The following MAMDC2 variants were observed in gnomAD, a reference collection of about 807,000 sequenced individuals.
MAMDC2 encodes MAM domain-containing protein 2.
Under a neutral mutation model 89.8 loss-of-function variants are expected in MAMDC2, and 57 were observed. The ratio of observed to expected loss-of-function variants is 0.63; its 90% CI spans 0.51 to 0.79. The LOEUF (loss-of-function observed/expected upper bound fraction) is 0.79, where lower values mean the gene tolerates loss of function less well. MAMDC2 is among the 30% of genes least tolerant of loss of function. MAMDC2 has a pLI of 0.00. For synonymous variants in MAMDC2, 313 were observed against 293.4 expected (o/e 1.07, Z -0.68); for missense variants, 800 against 820.6 (o/e 0.97, Z 0.31).
intron 2 of MAMDC2, among the ~76,000 whole-genome samples, chr9:70,059,586 C>T (rs1204852766): frequency 1.3e-5 from 2 of 152,164 alleles, no homozygotes; most frequent in Non-Finnish European, 2.9e-5. Flanking sequence ...TAATCTAGTG[C>T]CATTATCACA....
At chr9:70,200,544 T>G (rs2033080114) in intron 11 of MAMDC2, among the ~76,000 whole-genome samples, 1 of 151,794 alleles carries the variant, frequency 6.6e-6, no homozygotes, top group East Asian at 1.9e-4. Context: ...GGCTCTTTTT[T>G]GGTTCCATAC....
chr9:70,075,930 A>G (rs1827520394), intron 2 of MAMDC2, among the ~76,000 whole-genome samples: 1 of 152,236 alleles, frequency 6.6e-6, no homozygotes, highest in South Asian at 2.1e-4. Context: ...AAGGGAAAAT[A>G]TAAGATATGT....
intron 2 of MAMDC2, among the ~76,000 whole-genome samples, chr9:70,075,849 T>A (rs955283106): frequency 6.6e-6 from 1 of 152,262 alleles, no homozygotes; most frequent in African/African-American, 2.4e-5. Flanking sequence ...AGTGGCACAC[T>A]GTGCTGCTGT....
Position 70,159,854 on chromosome 9 carries a change from G to A in MAMDC2, c.1405-8848G>A, listed in dbSNP as rs183508977. ...AGGTGGGCCAGAGAGAAACCACATT[G>A]TATTTTTAGCCCAGCACTGATTTTT... On this transcript the variant is annotated intron_variant, in intron 9 of 13. Transcript: ENST00000377182. 1.9e-3 allele frequency among the ~76,000 whole-genome samples: 294 copies of A among 152,286 alleles called. 1 individual carries two copies. The highest frequency in any genetic ancestry group is 6.8e-3 in the African/African-American group (283 of 41,558).
At chr9:70,175,736 T>G (rs1246763366) in intron 11 of MAMDC2, 1 of 152,122 alleles carries the variant, frequency 6.6e-6, no homozygotes, top group African/African-American at 2.4e-5. Context: ...GCTTAAACAT[T>G]AGAAATTTGT....
At chr9:70,170,418 C>CTA in intron 10 of MAMDC2, 61 bp from the exon 11 acceptor site, 1 of 1,524,578 alleles carries the variant, frequency 6.6e-7, no homozygotes, top group Non-Finnish European at 8.8e-7. Context: ...GAGTGGGCTG[C>CTA]TAGCAACACA....
At chr9:70,218,291 A>T (rs552122546) in intron 11 of MAMDC2, 46 bp from the exon 12 acceptor site, 2 of 1,558,318 alleles carry the variant, frequency 1.3e-6, no homozygotes, top group South Asian at 2.5e-5. Context: ...GAGAAAATGT[A>T]ATTTGTGTCC....
At chr9:70,123,543 T>C (rs2030385608) in intron 5 of MAMDC2, among the ~76,000 whole-genome samples, 1 of 152,142 alleles carries the variant, frequency 6.6e-6, no homozygotes, top group Non-Finnish European at 1.5e-5. Context: ...AAAAATATGG[T>C]GGGGAGTGTT....
At chr9:70,073,878 T>C (rs1263269336) in intron 2 of MAMDC2, among the ~76,000 whole-genome samples, 4 of 152,172 alleles carry the variant, frequency 2.6e-5, no homozygotes, top group Non-Finnish European at 5.9e-5. Flanking sequence ...TGTGATTACT[T>C]CAACATGTAA....
At chr9:70,073,335 A>G (rs1423382224) in intron 2 of MAMDC2, among the ~76,000 whole-genome samples, 1 of 152,232 alleles carries the variant, frequency 6.6e-6, no homozygotes, top group Admixed American at 6.5e-5. Flanking sequence ...CCTGAAGAGC[A>G]CTGAATATTT....
intron 2 of MAMDC2, among the ~76,000 whole-genome samples, chr9:70,047,608 G>T (rs1826785275): frequency 6.6e-6 from 1 of 152,188 alleles, no homozygotes; most frequent in Non-Finnish European, 1.5e-5. Flanking sequence ...ATCACTGATG[G>T]GCATTTGGGT....
intron 5 of MAMDC2, among the ~76,000 whole-genome samples, chr9:70,117,537 C>G (rs955522726): frequency 1.3e-5 from 2 of 151,994 alleles, no homozygotes; most frequent in Non-Finnish European, 2.9e-5. Context: ...AGCAAACCAC[C>G]ATGGCACATG....
At position 70,212,429 on chromosome 9, in the gene MAMDC2, G is replaced by T. The variant is rs139060873; in HGVS notation, c.1652-5908G>T. The stretch of plus-strand genomic sequence containing the variant: ...TGTGGGTTTGGGACCCTCTGAGCCA[G>T]GCACGGGATATAATCTCCTGGTGTG... On this transcript the variant is annotated intron_variant, in intron 11 of 13. Transcript: ENST00000377182. Among the ~76,000 whole-genome samples the T allele has an allele frequency of 2.7e-3, 415 of 152,366 alleles. 2 individuals carry two copies. Among genetic ancestry groups the T allele is most frequent in the African/African-American group, 9.3e-3 (387 of 41,590 alleles).
At chr9:70,071,164 T>C (rs1827397813) in intron 2 of MAMDC2, among the ~76,000 whole-genome samples, 1 of 152,182 alleles carries the variant, frequency 6.6e-6, no homozygotes, top group Non-Finnish European at 1.5e-5. Context: ...GGGTTAATAG[T>C]GTGTGCTTTA....
At chr9:70,131,346 G>A (rs138736327) in intron 6 of MAMDC2, among the ~76,000 whole-genome samples, 173 bp from the exon 7 acceptor site, 21 of 152,318 alleles carry the variant, frequency 1.4e-4, no homozygotes, top group Non-Finnish European at 2.9e-4. Context: ...CCCAAAAAGA[G>A]ACTGTAGGTT....
At chr9:70,114,482 C>T (rs2029883050) in intron 5 of MAMDC2, among the ~76,000 whole-genome samples, 1 of 151,930 alleles carries the variant, frequency 6.6e-6, no homozygotes, top group African/African-American at 2.4e-5. Context: ...ATAAAACACA[C>T]TTGCCGGTCA....
chr9:70,111,951 AG>A (rs1054213283), intron 4 of MAMDC2, among the ~76,000 whole-genome samples: 3 of 152,218 alleles, frequency 2.0e-5, no homozygotes, highest in African/African-American at 4.8e-5. Flanking sequence ...TTGTCAAACA[AG>A]GGCTGCTTGA....
chr9:70,203,515 A>T (rs1468768717), intron 11 of MAMDC2, among the ~76,000 whole-genome samples: 1 of 137,080 alleles, frequency 7.3e-6, no homozygotes, highest in African/African-American at 2.7e-5. Flanking sequence ...AACTTTGGTG[A>T]ATCTGACATT....
chr9:70,048,998 G>C (rs1826825637), intron 2 of MAMDC2, among the ~76,000 whole-genome samples: 1 of 152,218 alleles, frequency 6.6e-6, no homozygotes, highest in Admixed American at 6.5e-5. Context: ...ACCTGGAAGA[G>C]GAAGGCAGCT....
Sources: gnomAD v4.1 joint callset for allele counts (sites outside exome capture counted in the v4.1 genomes callset) on GRCh38, gnomAD v4.1.1 for gene constraint, MANE v1.5 for transcripts, NCBI Gene and HGNC (gene_info 2026-07-23, HGNC 2026-07-21) for gene names.